JOSD1: variants seen among roughly 807,000 people sequenced by gnomAD.
The protein encoded by JOSD1 is josephin-1.
In JOSD1, 11 loss-of-function variants were observed where a neutral mutation model predicts 24.3. The ratio of observed to expected loss-of-function variants is 0.45; its 90% confidence interval spans 0.29 to 0.75. The LOEUF (loss-of-function observed/expected upper bound fraction) is 0.75. Ranked by LOEUF, JOSD1 falls within the 30% of genes least tolerant of loss-of-function variation. The pLI, the probability that JOSD1 is intolerant of heterozygous loss-of-function variation, is 0.11. For missense variants in JOSD1, 184 were observed against 253.5 expected (o/e 0.73, Z 1.86); for synonymous variants, 106 against 93.8 (o/e 1.13, Z -0.75).
intron 2 of JOSD1, among the ~76,000 whole-genome samples, chr22:38,693,593 T>C (rs1351533241): frequency 6.6e-6 from 1 of 152,192 alleles, no homozygotes; most frequent in African/African-American, 2.4e-5. Context: ...TCATATGGCC[T>C]TTATTCTATT....
intron 2 of JOSD1, among the ~76,000 whole-genome samples, chr22:38,693,090 C>T (rs1264691694): frequency 6.6e-6 from 1 of 152,124 alleles, no homozygotes; most frequent in African/African-American, 2.4e-5. Flanking sequence ...GCTGAATGAA[C>T]CAAGTAGGTA....
rs964248730 is a variant in JOSD1 at position 38,689,304 on chromosome 22, G to A, written c.306C>T (p.Asp102=). The A allele has an allele frequency of 1.2e-6, 2 of 1,614,200 alleles. No individual in the cohort carries two copies. The highest frequency in any genetic ancestry group is 1.7e-6 in the Non-Finnish European group (2 of 1,180,038). Reference sequence around the variant, plus strand: ...AGCCTGATTCAGATTACCTGCGCTTGTCCCACCAAACAGCTTCATAGCCTT... The same window carrying A: ...AGCCTGATTCAGATTACCTGCGCTTATCCCACCAAACAGCTTCATAGCCTT... ...QTKGYEAVWW[D]KRRDVGVIAL... The change falls in exon 3 of 5, where the codon GAC becomes GAT. Residue 102 remains aspartate (D), a synonymous_variant. Transcript: ENST00000683374.
chr22:38,691,586 C>G (rs981426654), intron 2 of JOSD1, among the ~76,000 whole-genome samples: 2 of 152,228 alleles, frequency 1.3e-5, no homozygotes, highest in Admixed American at 6.5e-5. Context: ...TGCACTCATG[C>G]ACTCACTGTT....
In JOSD1 at chr22:38,700,027, C is replaced by G. The variant is rs764302618; in HGVS notation, c.-40G>C. 4 of 1,543,340 alleles carry G rather than the reference C, an allele frequency of 2.6e-6. No homozygotes were observed. Among genetic ancestry groups the G allele is most frequent in the Middle Eastern group, 1.8e-4 (1 of 5,706 alleles). ...GTTCCAGAGATGGCTATAAACACCC[C>G]ACTCTTCCCTCTAGAGGAAGAATGT... On this transcript the variant is annotated 5_prime_UTR_variant, in exon 2 of 5. Coordinates refer to ENST00000683374, the MANE Select transcript of JOSD1 (RefSeq NM_001360236.2).
intron 2 of JOSD1, among the ~76,000 whole-genome samples, chr22:38,699,261 G>A (rs867669315): frequency 2.0e-5 from 3 of 152,206 alleles, no homozygotes; most frequent in East Asian, 3.8e-4. Flanking sequence ...AGCAATGTAC[G>A]AACAGCACTA....
At chr22:38,697,543 A>T (rs1250364193) in intron 2 of JOSD1, among the ~76,000 whole-genome samples, 1 of 152,260 alleles carries the variant, frequency 6.6e-6, no homozygotes, top group African/African-American at 2.4e-5. Context: ...CTTGATGAGC[A>T]CAGTCCAGAA....
chr22:38,701,004 C>A, upstream of JOSD1: 3 of 982,360 alleles, frequency 3.1e-6, no homozygotes, highest in Non-Finnish European at 3.6e-6. Flanking sequence ...GGCGCGTGCT[C>A]CGGAAACGCC....
chr22:38,695,672 G>A (rs933225690), intron 2 of JOSD1, among the ~76,000 whole-genome samples: 4 of 151,998 alleles, frequency 2.6e-5, no homozygotes, highest in African/African-American at 9.7e-5. Flanking sequence ...GTCTCAAACT[G>A]CTGGACTGAA....
In JOSD1 at chr22:38,687,880, A is replaced by G; in HGVS notation, c.*22T>C. 1.3e-6 allele frequency: 2 copies of G among 1,543,222 alleles called. No homozygotes were observed. The highest frequency in any genetic ancestry group is 3.4e-4 in the Middle Eastern group (2 of 5,938). On this transcript the variant is annotated 3_prime_UTR_variant, in exon 5 of 5. Coordinates refer to ENST00000683374, the MANE Select transcript of JOSD1 (RefSeq NM_001360236.2). ...ACAGAGGACTGAAGGGGCTGAGGCG[A>G]GAGGGAGGTTGGGCAGAACTGTTAC...
chr22:38,690,627 G>C (rs866886073), intron 2 of JOSD1, among the ~76,000 whole-genome samples: 82 of 152,002 alleles, frequency 5.4e-4, no homozygotes, highest in African/African-American at 2.0e-3. Flanking sequence ...GGTTGGTCTC[G>C]AACTCCTAAC....
At chr22:38,693,576 A>G (rs772086265) in intron 2 of JOSD1, among the ~76,000 whole-genome samples, 12 of 152,130 alleles carry the variant, frequency 7.9e-5, no homozygotes, top group Non-Finnish European at 1.5e-4. Flanking sequence ...CACTTTAGGC[A>G]CCATGATCAT....
upstream of JOSD1, chr22:38,701,083 C>T (rs928842549): frequency 1.4e-6 from 1 of 715,742 alleles, no homozygotes. Flanking sequence ...TCATCGGCAC[C>T]GGCCTGGGAG....
chr22:38,693,001 G>A lies in JOSD1; in HGVS notation c.186-3577C>T, dbSNP rs535232598. On this transcript the variant is annotated intron_variant, in intron 2 of 4. Transcript: ENST00000683374. Reference sequence around the variant, plus strand: ...TACCAGGCTCAAACCTTAGAGCGGCGCTTCCCAAGGGTGCTCCTGGAGATG... The same window carrying A: ...TACCAGGCTCAAACCTTAGAGCGGCACTTCCCAAGGGTGCTCCTGGAGATG... Among the ~76,000 whole-genome samples, 205 of 152,122 alleles carry A rather than the reference G, an allele frequency of 1.3e-3. 1 individual carries two copies. The highest frequency in any genetic ancestry group is 2.0e-3 in the Non-Finnish European group (138 of 68,002).
chr22:38,693,750 C>T lies in JOSD1; in HGVS notation c.186-4326G>A, dbSNP rs976616306. Among the ~76,000 whole-genome samples, 3 of 152,150 alleles carry T rather than the reference C, an allele frequency of 2.0e-5. No homozygotes were observed. In the South Asian group the frequency reaches 6.2e-4, roughly 31 times the overall value. On this transcript the variant is annotated intron_variant, in intron 2 of 4. Coordinates refer to ENST00000683374, the MANE Select transcript of JOSD1 (RefSeq NM_001360236.2). ...CAGCCTCTATTCTTTTATCCTATTT[C>T]CTGTTCCAAGCCAAATCCTACAGCT...
Position 38,687,813 on chromosome 22 carries a change from G to A in JOSD1, c.*89C>T, listed in dbSNP as rs2092504401. 1 of 820,150 alleles carries A rather than the reference G, an allele frequency of 1.2e-6. No individual in the cohort carries two copies. The highest frequency in any genetic ancestry group is 2.1e-5 in the Admixed American group (1 of 48,362). 50.8% of individuals were successfully genotyped at this position (820,150 alleles called of 1,614,324 possible). A position where few individuals can be genotyped will look rare whatever the true frequency, so the allele number is the denominator to read the frequency against. On this transcript the variant is annotated 3_prime_UTR_variant, in exon 5 of 5. Coordinates refer to ENST00000683374, the MANE Select transcript of JOSD1 (RefSeq NM_001360236.2). The stretch of plus-strand genomic sequence containing the variant: ...GGAAAAACTTGATGAGATGTTTGGG[G>A]AAGTGGCAAGGGCAGACCCACTGTA...
chr22:38,700,065 C>A lies in JOSD1; in HGVS notation c.-78G>T. 1 of 1,505,312 alleles carries A rather than the reference C, an allele frequency of 6.6e-7. No individual in the cohort carries two copies. The highest frequency in any genetic ancestry group is 8.8e-7 in the Non-Finnish European group (1 of 1,130,070). The allele number at this position is 1,505,312 out of a possible 1,614,324, so 93.2% of individuals were successfully genotyped here. A position where few individuals can be genotyped will look rare whatever the true frequency, so the allele number is the denominator to read the frequency against. ...AGAGGAAGAATGTAAGCTTCTCAGT[C>A]TTTTCCGGATTCCTGAGGTCCACCT... On this transcript the variant is annotated 5_prime_UTR_variant, in exon 2 of 5. Coordinates refer to ENST00000683374, the MANE Select transcript of JOSD1 (RefSeq NM_001360236.2).
At chr22:38,689,267 T>G in intron 3 of JOSD1, 29 bp downstream of exon 3, 2 of 1,614,122 alleles carry the variant, frequency 1.2e-6, no homozygotes, top group Non-Finnish European at 1.7e-6. Context: ...CGTGCTGTTC[T>G]CCATCAAGTC....
chr22:38,694,033 C>T (rs1220690156), intron 2 of JOSD1, among the ~76,000 whole-genome samples: 1 of 152,184 alleles, frequency 6.6e-6, no homozygotes, highest in Non-Finnish European at 1.5e-5. Context: ...CTATATCCCT[C>T]ACAGCTAGGC....
At position 38,686,061 on chromosome 22, in the gene JOSD1, A is replaced by C. The variant is rs1221691644; in HGVS notation, c.*1841T>G. ...TGTGACAATCAGCAAGGTTGGCTGT[A>C]ATGTCTGGCTGGTGGTGGTTGGAAT... On this transcript the variant is annotated 3_prime_UTR_variant, in exon 5 of 5. Transcript: ENST00000683374. 1 of 152,544 alleles carries C rather than the reference A, an allele frequency of 6.6e-6. No individual in the cohort carries two copies. Among genetic ancestry groups the C allele is most frequent in the East Asian group, 1.9e-4 (1 of 5,188 alleles). The allele number at this position is 152,544 out of a possible 1,614,324, so 9.4% of individuals were successfully genotyped here.
Sources: gnomAD v4.1 joint callset for allele counts (sites outside exome capture counted in the v4.1 genomes callset) on GRCh38, gnomAD v4.1.1 for gene constraint, MANE v1.5 for transcripts, NCBI Gene and HGNC (gene_info 2026-07-23, HGNC 2026-07-21) for gene names.